Variants in RIN2 observed in about 807,000 individuals in gnomAD.
RIN2 encodes Ras and Rab interactor 2, also known as RAB5 interacting protein 2.
In RIN2, 36 loss-of-function variants were observed where a neutral mutation model predicts 78.0. The ratio of observed to expected loss-of-function variants is 0.46; its 90% CI spans 0.35 to 0.61. The LOEUF (loss-of-function observed/expected upper bound fraction) is 0.61. RIN2 is among the 20% of genes least tolerant of loss of function. The pLI is 0.00. For synonymous variants in RIN2, 466 were observed against 466.8 expected, an observed-to-expected ratio of 1.00 and a Z score of 0.02; for missense variants, 1,087 against 1,159.7, an observed-to-expected ratio of 0.94 and a Z score of 0.91.
upstream of RIN2, chr20:19,757,952 G>C (rs1018281137): frequency 6.6e-6 from 1 of 152,418 alleles, no homozygotes; most frequent in Non-Finnish European, 1.5e-5. Context: ...AAGCGTAGCG[G>C]GTGGTTGTCA....
chr20:19,771,668 A>G (rs905804541), intron 1 of RIN2, among the ~76,000 whole-genome samples: 3 of 152,190 alleles, frequency 2.0e-5, no homozygotes, highest in Admixed American at 2.0e-4. Context: ...TTTTATATGC[A>G]TAGGAGTGAA....
At chr20:19,905,793 T>TTGTC (rs1490942407) in intron 3 of RIN2, among the ~76,000 whole-genome samples, 3 of 152,214 alleles carry the variant, frequency 2.0e-5, no homozygotes, top group Non-Finnish European at 2.9e-5. Flanking sequence ...CACTCACGTA[T>TTGTC]TGTCTGTAAC....
At chr20:19,858,151 G>GT (rs2037224430) in intron 2 of RIN2, among the ~76,000 whole-genome samples, 1 of 151,970 alleles carries the variant, frequency 6.6e-6, no homozygotes, top group Non-Finnish European at 1.5e-5. Context: ...GATGGCTTGA[G>GT]TTTTTTATGT....
intron 2 of RIN2, among the ~76,000 whole-genome samples, chr20:19,874,957 T>C (rs901035597): frequency 6.6e-6 from 1 of 151,758 alleles, no homozygotes; most frequent in Non-Finnish European, 1.5e-5. Flanking sequence ...TCCTCTTGGG[T>C]TCAAGCGATT....
At chr20:19,830,271 T>A (rs559566037) in intron 2 of RIN2, among the ~76,000 whole-genome samples, 2 of 152,278 alleles carry the variant, frequency 1.3e-5, no homozygotes, top group East Asian at 1.9e-4. Flanking sequence ...CATTTTTTTT[T>A]ACCAAGTTCT....
intron 3 of RIN2, among the ~76,000 whole-genome samples, chr20:19,914,430 G>A (rs755971695): frequency 4.6e-5 from 7 of 152,164 alleles, no homozygotes; most frequent in Non-Finnish European, 8.8e-5. Flanking sequence ...TTCCCAGTAT[G>A]TACTTTCCCA....
At chr20:19,770,873 ACCC>A (rs57943156) in intron 1 of RIN2, among the ~76,000 whole-genome samples, 8 of 114,926 alleles carry the variant, frequency 7.0e-5, no homozygotes, top group South Asian at 3.1e-4. Flanking sequence ...GACTGCCCCC[ACCC>A]CCCCCCCCCA....
intron 4 of RIN2, among the ~76,000 whole-genome samples, chr20:19,939,104 T>C (rs986609071): frequency 2.0e-5 from 3 of 152,230 alleles, no homozygotes; most frequent in African/African-American, 7.2e-5. Context: ...AGTGCAGTGG[T>C]GACACGATCT....
intron 2 of RIN2, among the ~76,000 whole-genome samples, chr20:19,821,901 A>G (rs989195812): frequency 6.6e-6 from 1 of 152,212 alleles, no homozygotes; most frequent in African/African-American, 2.4e-5. Flanking sequence ...TGCCTGGGAC[A>G]TTATAGATGT....
chr20:19,774,476 A>T (rs984950922), intron 1 of RIN2, among the ~76,000 whole-genome samples: 2 of 152,220 alleles, frequency 1.3e-5, no homozygotes, highest in African/African-American at 4.8e-5. Context: ...GCAGAGAGGA[A>T]TTCCAAGAGG....
chr20:19,863,955 G>GC (rs1189718526), intron 2 of RIN2, among the ~76,000 whole-genome samples: 3 of 150,640 alleles, frequency 2.0e-5, no homozygotes, highest in African/African-American at 4.9e-5. Context: ...TTTACAACAC[G>GC]CATTCTCAAC....
chr20:19,946,829 G>A (rs989115700), intron 4 of RIN2, among the ~76,000 whole-genome samples: 25 of 151,576 alleles, frequency 1.6e-4, no homozygotes, highest in Admixed American at 3.9e-4. Flanking sequence ...TCAGGAGTTC[G>A]AGACCAGCCT....
intron 1 of RIN2, among the ~76,000 whole-genome samples, chr20:19,773,788 C>G (rs568855402): frequency 6.6e-6 from 1 of 151,556 alleles, no homozygotes; most frequent in East Asian, 1.9e-4. Context: ...GGGAGATGTG[C>G]GGTACAATTT....
intron 9 of RIN2, among the ~76,000 whole-genome samples, chr20:19,978,100 A>G (rs2042337899): frequency 6.6e-6 from 1 of 152,126 alleles, no homozygotes; most frequent in African/African-American, 2.4e-5. Context: ...TCTGACCAGA[A>G]CATGGACTTA....
At chr20:19,819,044 G>T (rs1006401307) in intron 2 of RIN2, among the ~76,000 whole-genome samples, 1 of 152,218 alleles carries the variant, frequency 6.6e-6, no homozygotes, top group Non-Finnish European at 1.5e-5. Context: ...GTGCACGTGG[G>T]CATACATATA....
chr20:19,889,823 G>C (rs1458514218), intron 3 of RIN2, among the ~76,000 whole-genome samples, 165 bp downstream of exon 3: 2 of 152,172 alleles, frequency 1.3e-5, no homozygotes, highest in Non-Finnish European at 2.9e-5. Flanking sequence ...GCTTATAACA[G>C]GTTGCGGGGT....
chr20:19,994,540 A>G (rs567211742), intron 11 of RIN2, among the ~76,000 whole-genome samples: 4 of 152,302 alleles, frequency 2.6e-5, no homozygotes, highest in African/African-American at 4.8e-5. Context: ...AGTGTGGTCA[A>G]TTTTGTGCTT....
At chr20:19,944,968 G>T (rs969153550) in intron 4 of RIN2, among the ~76,000 whole-genome samples, 7 of 152,208 alleles carry the variant, frequency 4.6e-5, no homozygotes, top group African/African-American at 1.7e-4. Flanking sequence ...AAGACGGTAA[G>T]AAGTCATCCT....
chr20:19,938,947 C>A (rs1213979353), intron 4 of RIN2, among the ~76,000 whole-genome samples: 1 of 152,212 alleles, frequency 6.6e-6, no homozygotes, highest in Admixed American at 6.5e-5. Context: ...TCCCAGTCAC[C>A]ATGCCTCCAG....
Sources: allele counts gnomAD v4.1 joint callset (sites outside exome capture counted in the v4.1 genomes callset), GRCh38; gene constraint gnomAD v4.1.1; transcripts MANE v1.5; gene names NCBI Gene and HGNC (gene_info 2026-07-23, HGNC 2026-07-21).